KCNH5: variants seen among roughly 807,000 people sequenced by gnomAD.
KCNH5 encodes voltage-gated delayed rectifier potassium channel KCNH5.
Under a neutral mutation model 96.1 loss-of-function variants are expected in KCNH5, and 46 were observed. That is an observed-to-expected ratio of 0.48 (90% CI 0.38 to 0.61). The LOEUF is 0.61. KCNH5 is among the 20% of genes least tolerant of loss of function. KCNH5 has a pLI of 0.00. For missense variants in KCNH5, 907 were observed against 1,225.8 expected (o/e 0.74, Z 3.88); for synonymous variants, 439 against 449.8 (o/e 0.98, Z 0.30).
intron 6 of KCNH5, among the ~76,000 whole-genome samples, chr14:62,964,125 C>A (rs905355535): frequency 7.9e-5 from 12 of 152,048 alleles, no homozygotes; most frequent in Non-Finnish European, 1.5e-5. Context: ...TGGCTCAGCT[C>A]CTTCCTTTTT....
chr14:62,969,573 C>T (rs1025266185), intron 6 of KCNH5, among the ~76,000 whole-genome samples: 1 of 151,782 alleles, frequency 6.6e-6, no homozygotes, highest in Non-Finnish European at 1.5e-5. Context: ...ATAACACACA[C>T]TGGGGCCTGA....
intron 7 of KCNH5, among the ~76,000 whole-genome samples, chr14:62,939,301 T>G (rs74917640): frequency 0.011 from 1,683 of 152,338 alleles, 47 homozygotes; most frequent in African/African-American, 0.038. Context: ...GTGGCTCTCC[T>G]TCTTCAGAGT....
chr14:62,879,223 G>C (rs1888444292), intron 7 of KCNH5, among the ~76,000 whole-genome samples: 1 of 152,120 alleles, frequency 6.6e-6, no homozygotes, highest in Admixed American at 6.6e-5. Flanking sequence ...ATATGTTGGA[G>C]AGAATACAGA....
intron 4 of KCNH5, among the ~76,000 whole-genome samples, chr14:62,999,789 A>G (rs1388473622): frequency 1.3e-5 from 2 of 150,626 alleles, no homozygotes; most frequent in Non-Finnish European, 1.5e-5. Context: ...GGTGCAGCAC[A>G]CCAGAATGGC....
At position 63,014,831 on chromosome 14, in the gene KCNH5, C is replaced by T. The variant is rs527463645; in HGVS notation, c.197+2000G>A. 2.6e-5 allele frequency among the ~76,000 whole-genome samples: 4 copies of T among 152,000 alleles called. No homozygotes were observed. The East Asian group carries it at 5.8e-4, about 22-fold the overall frequency. On this transcript the variant is annotated intron_variant, in intron 2 of 10. Transcript: ENST00000322893. ...ATCTGAGATAAACCTGGCATGAAGA[C>T]GGGATGTCAGCAGTCCAAGAATAAG...
At chr14:62,906,949 T>G (rs1889041022) in intron 7 of KCNH5, among the ~76,000 whole-genome samples, 1 of 152,184 alleles carries the variant, frequency 6.6e-6, no homozygotes, top group South Asian at 2.1e-4. Context: ...TATCCTGCAA[T>G]GAACAACGTA....
chr14:62,948,428 T>C (rs1017032842), intron 7 of KCNH5, among the ~76,000 whole-genome samples: 32 of 151,898 alleles, frequency 2.1e-4, no homozygotes, highest in African/African-American at 6.8e-4. Flanking sequence ...ATAAATTCCT[T>C]GACACATACA....
intron 1 of KCNH5, among the ~76,000 whole-genome samples, chr14:63,021,389 C>G (rs770119768): frequency 7.2e-5 from 11 of 152,168 alleles, no homozygotes; most frequent in Admixed American, 2.0e-4. Context: ...TATACTATTA[C>G]AGTTAGGTCA....
At chr14:62,752,687 C>A (rs1405441559) in intron 10 of KCNH5, among the ~76,000 whole-genome samples, 1 of 152,034 alleles carries the variant, frequency 6.6e-6, no homozygotes. Flanking sequence ...AATGGAGGGA[C>A]CTGGTGGGAG....
Position 62,950,330 on chromosome 14 carries a change from T to A in KCNH5, c.1172A>T (p.Gln391Leu). The A allele has an allele frequency of 6.2e-7, 1 of 1,614,058 alleles. No homozygotes were observed. The highest frequency in any genetic ancestry group is 8.5e-7 in the Non-Finnish European group (1 of 1,179,970). The change falls in exon 7 of 11, where the codon CAG (glutamine) becomes CTG (leucine). Residue 391 changes from glutamine to leucine, a missense_variant. By Grantham distance (113) the Gln-to-Leu change is moderately radical (BLOSUM62 -2). Transcript: ENST00000322893. ...NTIQIDSWLYQLALSIGTPYR... is the reference protein window; with the variant it reads ...NTIQIDSWLYLLALSIGTPYR... ...TGGAGTCCCAATGCTCAAAGCCAGCTGGTAGAGCCAACTGTCTATTTGGAT... is the reference window on the plus strand; with the variant it reads ...TGGAGTCCCAATGCTCAAAGCCAGCAGGTAGAGCCAACTGTCTATTTGGAT...
At chr14:62,927,001 T>C (rs191117142) in intron 7 of KCNH5, among the ~76,000 whole-genome samples, 1 of 152,146 alleles carries the variant, frequency 6.6e-6, no homozygotes, top group East Asian at 1.9e-4. Flanking sequence ...TGAGAGATGA[T>C]ATAAACCCAA....
At chr14:62,802,940 G>C (rs767611582) in intron 8 of KCNH5, among the ~76,000 whole-genome samples, 1 of 152,108 alleles carries the variant, frequency 6.6e-6, no homozygotes, top group African/African-American at 2.4e-5. Context: ...TCAGTAGCTC[G>C]AGACCAGCCT....
At chr14:63,036,201 C>T (rs1891718181) in intron 1 of KCNH5, among the ~76,000 whole-genome samples, 1 of 152,210 alleles carries the variant, frequency 6.6e-6, no homozygotes, top group African/African-American at 2.4e-5. Context: ...GTTAATGAGG[C>T]AGCTCTTTCC....
rs569040511 is a variant in KCNH5 at position 63,006,988 on chromosome 14, A to G, written c.198-516T>C. Among the ~76,000 whole-genome samples, 40 of 152,348 alleles carry G rather than the reference A, an allele frequency of 2.6e-4. 3 individuals carry two copies. In the South Asian group the frequency reaches 7.9e-3, roughly 30 times the overall value. Reference sequence around the variant, plus strand: ...GATAATCAAAAGCAGTAAGTAGCCAACAAAAACTAAAGTCCACCAAAGAAA... The same window carrying G: ...GATAATCAAAAGCAGTAAGTAGCCAGCAAAAACTAAAGTCCACCAAAGAAA... On this transcript the variant is annotated intron_variant, in intron 2 of 10. Transcript: ENST00000322893.
At chr14:62,888,347 G>C (rs1290478583) in intron 7 of KCNH5, among the ~76,000 whole-genome samples, 1 of 152,122 alleles carries the variant, frequency 6.6e-6, no homozygotes, top group Non-Finnish European at 1.5e-5. Context: ...TTATGAGAGT[G>C]TATATTCTCT....
intron 9 of KCNH5, among the ~76,000 whole-genome samples, chr14:62,798,713 T>G (rs1469111329): frequency 6.6e-6 from 1 of 152,228 alleles, no homozygotes; most frequent in Non-Finnish European, 1.5e-5. Context: ...ATTTGTTGAC[T>G]AAATTTTTTA....
At chr14:62,793,827 T>G (rs1257485867) in intron 9 of KCNH5, among the ~76,000 whole-genome samples, 1 of 151,662 alleles carries the variant, frequency 6.6e-6, no homozygotes, top group Non-Finnish European at 1.5e-5. Flanking sequence ...AATTACAAAA[T>G]AGAAGAAAAT....
rs960699878 is a variant in KCNH5, at chr14:62,709,212, G to A, written c.2020-757C>T. On this transcript the variant is annotated intron_variant, in intron 10 of 10. Coordinates refer to ENST00000322893, the MANE Select transcript of KCNH5 (RefSeq NM_139318.5). The stretch of plus-strand genomic sequence containing the variant: ...CGCGCCACAGCACTCCCGCCTGGGC[G>A]ACAGAACGAGACTCCTTCTCAAAAA... Among the ~76,000 whole-genome samples, 164 of 118,826 alleles carry A rather than the reference G, an allele frequency of 1.4e-3. 2 individuals are homozygous for A. Among genetic ancestry groups the A allele is most frequent in the African/African-American group, 4.5e-3 (141 of 31,022 alleles). 78.0% of individuals were successfully genotyped at this position (118,826 alleles called of 152,430 possible). A position where few individuals can be genotyped will look rare whatever the true frequency, so the allele number is the denominator to read the frequency against.
At chr14:63,003,562 T>C (rs1400437319) in intron 3 of KCNH5, among the ~76,000 whole-genome samples, 2 of 127,912 alleles carry the variant, frequency 1.6e-5, no homozygotes, top group African/African-American at 2.9e-5. Flanking sequence ...ATATATTATA[T>C]ATATTTATAT....
Sources: allele counts gnomAD v4.1 joint callset (sites outside exome capture counted in the v4.1 genomes callset), GRCh38; gene constraint gnomAD v4.1.1; transcripts MANE v1.5; gene names NCBI Gene and HGNC (gene_info 2026-07-23, HGNC 2026-07-21).